NIPBL: variants seen among roughly 807,000 people sequenced by gnomAD.
The protein encoded by NIPBL is nipped-B-like protein.
A neutral mutation model predicts 321.8 loss-of-function variants in NIPBL; 19 were observed. That is an observed-to-expected ratio of 0.06 (90% CI 0.04 to 0.09). NIPBL has a LOEUF of 0.09. Among genes scored for constraint, NIPBL ranks in the 10% least tolerant of loss-of-function variants. NIPBL has a pLI of 1.00. For missense variants in NIPBL, 2,210 were observed against 3,327.0 expected, an observed-to-expected ratio of 0.66 and a Z score of 8.26; for synonymous variants, 1,106 against 1,114.1, an observed-to-expected ratio of 0.99 and a Z score of 0.14.
chr5:36,935,623 T>G (rs998776118), intron 1 of NIPBL, among the ~76,000 whole-genome samples: 3 of 152,182 alleles, frequency 2.0e-5, no homozygotes, highest in Non-Finnish European at 4.4e-5. Context: ...CTTTTTGTTC[T>G]TAGAATATAT....
chr5:37,054,195 C>CAAA (rs1200216062), intron 42 of NIPBL, among the ~76,000 whole-genome samples: 2 of 57,542 alleles, frequency 3.5e-5, no homozygotes, highest in Non-Finnish European at 7.4e-5. Context: ...GACTCCGTCT[C>CAAA]AAAAAAAAAA....
chr5:36,931,164 A>G (rs1470001942), intron 1 of NIPBL, among the ~76,000 whole-genome samples: 5 of 152,112 alleles, frequency 3.3e-5, no homozygotes, highest in Non-Finnish European at 5.9e-5. Context: ...GATTTTTAAT[A>G]AGTAGTTCAG....
At chr5:37,024,112 C>T (rs1749983865) in intron 29 of NIPBL, among the ~76,000 whole-genome samples, 1 of 151,766 alleles carries the variant, frequency 6.6e-6, no homozygotes, top group Non-Finnish European at 1.5e-5. Context: ...TTGCAGTGAG[C>T]TGAGATCGCA....
intron 1 of NIPBL, among the ~76,000 whole-genome samples, chr5:36,901,812 A>ATAG (rs962801510): frequency 6.6e-6 from 1 of 152,082 alleles, no homozygotes; most frequent in African/African-American, 2.4e-5. Flanking sequence ...CCCAGCCCTA[A>ATAG]GTTCTTTGAG....
chr5:36,946,797 G>T (rs911011720), intron 1 of NIPBL, among the ~76,000 whole-genome samples: 4 of 152,058 alleles, frequency 2.6e-5, no homozygotes, highest in Non-Finnish European at 4.4e-5. Context: ...TCTAGTCTTG[G>T]CTAGTGAATT....
At chr5:36,990,598 G>A (rs1198798101) in intron 10 of NIPBL, among the ~76,000 whole-genome samples, 1 of 152,100 alleles carries the variant, frequency 6.6e-6, no homozygotes, top group Non-Finnish European at 1.5e-5. Flanking sequence ...GATATCTTTA[G>A]GAAATGTTTG....
At chr5:37,036,075 T>C (rs377004473) in intron 32 of NIPBL, among the ~76,000 whole-genome samples, 124 of 152,128 alleles carry the variant, frequency 8.2e-4, no homozygotes, top group African/African-American at 2.9e-3. Context: ...GGGAAGGTCA[T>C]CTTTTCTACA....
intron 23 of NIPBL, among the ~76,000 whole-genome samples, chr5:37,016,737 C>T (rs1749043183): frequency 1.3e-5 from 2 of 152,022 alleles, no homozygotes; most frequent in Admixed American, 1.3e-4. Flanking sequence ...GAAATTCTTA[C>T]TCAGTAATAC....
chr5:37,032,434 T>TA (rs1751167655), intron 32 of NIPBL, among the ~76,000 whole-genome samples: 1 of 131,564 alleles, frequency 7.6e-6, no homozygotes, highest in African/African-American at 3.0e-5. Flanking sequence ...TGTGTGTGTG[T>TA]GTGTAGTGTG....
chr5:37,027,610 T>G (rs1210955536), intron 32 of NIPBL, among the ~76,000 whole-genome samples, 198 bp downstream of exon 32: 4 of 138,430 alleles, frequency 2.9e-5, no homozygotes, highest in African/African-American at 5.5e-5. Flanking sequence ...GTGGTTTTTT[T>G]TTTTTTTTTT....
chr5:36,911,552 TTATG>T lies in NIPBL; in HGVS notation c.-80+34376_-80+34379del, dbSNP rs529736242. ...GTTATTTTCTACATTGTACTATAAATTATGTGTGTGCTTATTAAAAAATCTATAT... is the reference window on the plus strand; with the variant it reads ...GTTATTTTCTACATTGTACTATAAATTGTGTGCTTATTAAAAAATCTATAT... On this transcript the variant is annotated intron_variant, in intron 1 of 46. Transcript: ENST00000282516. Among the ~76,000 whole-genome samples the T allele has an allele frequency of 5.8e-4, 89 of 152,288 alleles. 1 individual carries two copies. The highest frequency in any genetic ancestry group is 2.1e-3 in the African/African-American group (89 of 41,580).
chr5:36,921,816 G>A (rs911530810), intron 1 of NIPBL, among the ~76,000 whole-genome samples: 22 of 151,954 alleles, frequency 1.4e-4, no homozygotes, highest in Admixed American at 8.5e-4. Flanking sequence ...AAAATGCAGG[G>A]GGACAAGAAA....
intron 42 of NIPBL, 151 bp from the exon 43 acceptor site, chr5:37,057,035 G>C: frequency 1.4e-6 from 1 of 712,566 alleles, no homozygotes; most frequent in Non-Finnish European, 2.4e-6. Context: ...CTGTCTCTCT[G>C]TGTCTCTCCC....
intron 34 of NIPBL, among the ~76,000 whole-genome samples, chr5:37,042,895 G>A (rs558729023): frequency 2.0e-3 from 290 of 145,954 alleles, no homozygotes; most frequent in Non-Finnish European, 3.2e-3. Flanking sequence ...CTACACACAC[G>A]CGCGCACACA....
chr5:37,032,286 GGAAAAAACGGGGA>G (rs756758893), intron 32 of NIPBL, among the ~76,000 whole-genome samples: 20 of 151,626 alleles, frequency 1.3e-4, no homozygotes, highest in Non-Finnish European at 2.5e-4. Flanking sequence ...TTTATCTCAA[GGAAAAAACGGGGA>G]GTATACTGAA....
intron 1 of NIPBL, among the ~76,000 whole-genome samples, chr5:36,889,760 A>G (rs1340295186): frequency 4.6e-5 from 7 of 152,164 alleles, no homozygotes; most frequent in Non-Finnish European, 7.4e-5. Flanking sequence ...TTTATAATTC[A>G]GTAACAATCC....
chr5:36,995,760 A>G lies in NIPBL; in HGVS notation c.3260A>G (p.Glu1087Gly), dbSNP rs374823114. ...GTTAATGAAAAGCCAAAATATGCTG[A>G]AATCAGTTCAGATGAAGATAATGAT... ...STVNEKPKYA[E>G]ISSDEDNDSD... Residue 1087 changes from glutamate to glycine, a missense_variant, in exon 11 of 47, where the codon GAA becomes GGA. Around this residue, in one of 14 missense-constraint regions of NIPBL, gnomAD observed 381 missense variants for 642.3 expected, o/e 0.59. Coordinates refer to ENST00000282516, the MANE Select transcript of NIPBL (RefSeq NM_133433.4). The G allele has an allele frequency of 3.7e-6, 6 of 1,613,908 alleles. No individual in the cohort carries two copies. The highest frequency in any genetic ancestry group is 5.1e-6 in the Non-Finnish European group (6 of 1,179,830).
chr5:36,925,493 C>T (rs867015559), intron 1 of NIPBL, among the ~76,000 whole-genome samples: 7 of 151,744 alleles, frequency 4.6e-5, no homozygotes, highest in African/African-American at 7.3e-5. Context: ...CTCGAACTCC[C>T]GACCTCAGGT....
At chr5:36,890,031 G>A (rs1746200391) in intron 1 of NIPBL, among the ~76,000 whole-genome samples, 1 of 151,672 alleles carries the variant, frequency 6.6e-6, no homozygotes, top group Admixed American at 6.6e-5. Flanking sequence ...TGTAATTATG[G>A]TTAAATACAT....
Sources: allele counts gnomAD v4.1 joint callset (sites outside exome capture counted in the v4.1 genomes callset), GRCh38; gene constraint gnomAD v4.1.1; regional missense constraint gnomAD v4.1.1; transcripts MANE v1.5; gene names NCBI Gene and HGNC (gene_info 2026-07-23, HGNC 2026-07-21).